PSMA8: variants seen among roughly 807,000 people sequenced by gnomAD.
PSMA8 encodes proteasome 20S subunit alpha 8, also known as proteasome subunit alpha-type 8.
In PSMA8, 18 loss-of-function variants were observed where a neutral mutation model predicts 32.4. The observed-to-expected ratio is 0.56, with a 90% CI of 0.38 to 0.82. The LOEUF is 0.82. Ranked by LOEUF, PSMA8 falls within the 40% of genes least tolerant of loss-of-function variation. The pLI is 0.00. For missense variants in PSMA8, 298 were observed against 300.7 expected, an observed-to-expected ratio of 0.99 and a Z score of 0.07; for synonymous variants, 104 against 98.1, an observed-to-expected ratio of 1.06 and a Z score of -0.36.
Position 26,142,540 on chromosome 18 carries a change from T to C in PSMA8, c.103-2019T>C, listed in dbSNP as rs79489559. On this transcript the variant is annotated intron_variant, in intron 1 of 6. Transcript: ENST00000415576. ...ATAGAGGCTTTCTTTATCAGTAATG[T>C]AGGATAAGGACATTTGGTCTTTCTC... Among the ~76,000 whole-genome samples, 1,405 of 152,320 alleles carry C rather than the reference T, an allele frequency of 9.2e-3. 10 individuals carry two copies. Among genetic ancestry groups the C allele is most frequent in the East Asian group, 0.019 (101 of 5,188 alleles).
intron 4 of PSMA8, chr18:26,170,853 C>T: frequency 1.3e-6 from 2 of 1,559,406 alleles, no homozygotes; most frequent in Non-Finnish European, 1.7e-6. Flanking sequence ...AAACGTGTCA[C>T]TTTCAAAGTC....
intron 4 of PSMA8, among the ~76,000 whole-genome samples, chr18:26,160,959 A>G (rs1469693188): frequency 6.6e-6 from 1 of 152,238 alleles, no homozygotes; most frequent in African/African-American, 2.4e-5. Context: ...AGCCTCCAGA[A>G]AATACTTTGA....
At chr18:26,140,501 T>C (rs1431988019) in intron 1 of PSMA8, among the ~76,000 whole-genome samples, 1 of 152,248 alleles carries the variant, frequency 6.6e-6, no homozygotes, top group East Asian at 1.9e-4. Flanking sequence ...TGCTTTGGTC[T>C]CTCACCTGGA....
At chr18:26,155,202 T>C (rs1232531713) in intron 3 of PSMA8, among the ~76,000 whole-genome samples, 1 of 151,742 alleles carries the variant, frequency 6.6e-6, no homozygotes, top group Non-Finnish European at 1.5e-5. Flanking sequence ...ACCACCATAC[T>C]CCAGCCTGGG....
At chr18:26,137,243 A>T (rs1333388301) in intron 1 of PSMA8, among the ~76,000 whole-genome samples, 1 of 152,142 alleles carries the variant, frequency 6.6e-6, no homozygotes, top group Non-Finnish European at 1.5e-5. Flanking sequence ...GGATCACTGG[A>T]GGTCAGGAGT....
intron 1 of PSMA8, chr18:26,139,977 A>T (rs1205420915): frequency 1.4e-6 from 1 of 693,928 alleles, no homozygotes; most frequent in Non-Finnish European, 2.6e-6. Context: ...CTTTTAAAAG[A>T]TTGTTACTTT....
At chr18:26,141,713 CTTTTTTT>C (rs1011733993) in intron 1 of PSMA8, among the ~76,000 whole-genome samples, 16 of 109,996 alleles carry the variant, frequency 1.5e-4, no homozygotes, top group Non-Finnish European at 2.2e-4. Context: ...TTTCTTTTTT[CTTTTTTT>C]TTTTTTTTTT....
intron 4 of PSMA8, chr18:26,170,963 A>G: frequency 6.4e-7 from 1 of 1,556,506 alleles, no homozygotes; most frequent in East Asian, 2.4e-5. Context: ...TGTCTACTTT[A>G]TTTGCTAATT....
chr18:26,164,987 G>A (rs949707540), intron 4 of PSMA8, among the ~76,000 whole-genome samples: 1 of 151,834 alleles, frequency 6.6e-6, no homozygotes, highest in Non-Finnish European at 1.5e-5. Context: ...GTACCATCTC[G>A]GCTTACTGCA....
At chr18:26,186,247 TCA>T (rs1491530236) in intron 6 of PSMA8, among the ~76,000 whole-genome samples, 1 of 31,408 alleles carries the variant, frequency 3.2e-5, no homozygotes, top group East Asian at 1.0e-3. Flanking sequence ...AGACTCTGTC[TCA>T]AAAAAAAAAA....
chr18:26,188,826 A>G (rs1354199923), intron 6 of PSMA8, among the ~76,000 whole-genome samples: 1 of 152,206 alleles, frequency 6.6e-6, no homozygotes, highest in Admixed American at 6.5e-5. Context: ...CTCACCATAT[A>G]TAAAAAATCA....
intron 4 of PSMA8, among the ~76,000 whole-genome samples, chr18:26,168,982 T>C (rs1163692623): frequency 7.9e-6 from 1 of 127,172 alleles, no homozygotes; most frequent in Non-Finnish European, 1.5e-5. Flanking sequence ...ATGGTTCCAT[T>C]GTTTTCAGAT....
At chr18:26,176,619 T>G (rs1019442730) in intron 4 of PSMA8, among the ~76,000 whole-genome samples, 1 of 152,154 alleles carries the variant, frequency 6.6e-6, no homozygotes, top group East Asian at 1.9e-4. Flanking sequence ...TCCTTTGAGA[T>G]CTCTTTCCCA....
rs2055415103 is a variant in PSMA8, at chr18:26,192,840, C to A, written c.*429C>A. 6.6e-6 allele frequency: 1 copy of A among 152,126 alleles called. No individual in the cohort carries two copies. The highest frequency in any genetic ancestry group is 2.1e-4 in the South Asian group (1 of 4,832). 9.4% of individuals were successfully genotyped at this position (152,126 alleles called of 1,614,324 possible). A position where few individuals can be genotyped will look rare whatever the true frequency, so the allele number is the denominator to read the frequency against. On this transcript the variant is annotated 3_prime_UTR_variant, in exon 7 of 7. Coordinates refer to ENST00000415576, the MANE Select transcript of PSMA8 (RefSeq NM_001025096.2). Reference sequence around the variant, plus strand: ...TTGAGCTGCATTTCTCAAAGAATGACAAAAGCATCCTTATACTGATGAGTT... The same window carrying A: ...TTGAGCTGCATTTCTCAAAGAATGAAAAAAGCATCCTTATACTGATGAGTT...
intron 3 of PSMA8, 60 bp from the exon 4 acceptor site, chr18:26,158,062 A>G: frequency 8.4e-7 from 1 of 1,190,526 alleles, no homozygotes. Context: ...ATGCTTTATT[A>G]TTAGAATTTT....
At chr18:26,153,155 T>C (rs919680408) in intron 3 of PSMA8, among the ~76,000 whole-genome samples, 1 of 152,322 alleles carries the variant, frequency 6.6e-6, no homozygotes, top group East Asian at 1.9e-4. Flanking sequence ...ATTTTATATA[T>C]GCAACATTGT....
At position 26,165,053 on chromosome 18, in the gene PSMA8, G is replaced by T. The variant is rs144649950; in HGVS notation, c.477+6809G>T. On this transcript the variant is annotated intron_variant, in intron 4 of 6. Transcript: ENST00000415576. ...CTGCCTCAGCCTCCCAAGTAGCTGGGATTACAGGTGCCTGCCACCATGCCA... is the reference window on the plus strand; with the variant it reads ...CTGCCTCAGCCTCCCAAGTAGCTGGTATTACAGGTGCCTGCCACCATGCCA... Among the ~76,000 whole-genome samples the T allele has an allele frequency of 3.2e-3, 490 of 152,188 alleles. 4 individuals are homozygous for T. The highest frequency in any genetic ancestry group is 0.01 in the African/African-American group (435 of 41,530).
intron 1 of PSMA8, among the ~76,000 whole-genome samples, chr18:26,136,186 C>G (rs1443843025): frequency 6.6e-6 from 1 of 152,116 alleles, no homozygotes; most frequent in African/African-American, 2.4e-5. Flanking sequence ...AGACAAGAGG[C>G]TTGTTTTCTT....
At position 26,178,819 on chromosome 18, in the gene PSMA8, T is replaced by A; in HGVS notation, c.478-11T>A. On this transcript the variant is annotated splice_polypyrimidine_tract_variant and intron_variant, in intron 4 of 6. Transcript: ENST00000415576. ...GCAATGATATTAATAAATTAACTTT[T>A]ATTTTTCAAGGCAAATGCAATAGGC... 6.2e-7 allele frequency: 1 copy of A among 1,604,418 alleles called. No homozygotes were observed. Among genetic ancestry groups the A allele is most frequent in the Non-Finnish European group, 8.5e-7 (1 of 1,176,908 alleles).
Sources: allele counts gnomAD v4.1 joint callset (sites outside exome capture counted in the v4.1 genomes callset), GRCh38; gene constraint gnomAD v4.1.1; transcripts MANE v1.5; gene names NCBI Gene and HGNC (gene_info 2026-07-23, HGNC 2026-07-21).